EVC: variants seen among roughly 807,000 people sequenced by gnomAD.
EVC encodes the protein evC complex member EVC.
Under a neutral mutation model 118.9 loss-of-function variants are expected in EVC, and 116 were observed. The ratio of observed to expected loss-of-function variants is 0.98; its 90% CI spans 0.84 to 1.14. The LOEUF (loss-of-function observed/expected upper bound fraction) is 1.14. Among genes scored for constraint, EVC ranks in the 50% most tolerant of loss-of-function variants. EVC has a pLI of 0.00. For synonymous variants in EVC, 619 were observed against 534.7 expected (o/e 1.16, Z -2.18); for missense variants, 1,401 against 1,246.4 (o/e 1.12, Z -1.87).
Position 5,738,953 on chromosome 4 carries a change from CT to C in EVC, c.703-2757del, listed in dbSNP as rs985085300. ...GTTATTTTTAAAATTAAGGTATGTA[CT>C]TTTTTAGACATACTGCTATTGTACA... On this transcript the variant is annotated intron_variant, in intron 5 of 20. Coordinates refer to ENST00000264956, the MANE Select transcript of EVC (RefSeq NM_153717.3). The surrounding 1 kb of genome is among the most constrained non-coding windows in gnomAD (Gnocchi z 6.5). 5.9e-5 allele frequency among the ~76,000 whole-genome samples: 9 copies of C among 152,076 alleles called. No individual in the cohort carries two copies. The highest frequency in any genetic ancestry group is 1.2e-4 in the Non-Finnish European group (8 of 68,026).
chr4:5,789,634 G>C lies in EVC; in HGVS notation c.1777-3974G>C, dbSNP rs768408001. Among the ~76,000 whole-genome samples, 3 of 152,142 alleles carry C rather than the reference G, an allele frequency of 2.0e-5. No homozygotes were observed. The highest frequency in any genetic ancestry group is 2.9e-5 in the Non-Finnish European group (2 of 68,026). Reference sequence around the variant, plus strand: ...TTGAAACAAAGAGTAAAACTTACTTGAGGCCACAAAATGACCTGGTAGCAA... The same window carrying C: ...TTGAAACAAAGAGTAAAACTTACTTCAGGCCACAAAATGACCTGGTAGCAA... On this transcript the variant is annotated intron_variant, in intron 12 of 20. Coordinates refer to ENST00000264956, the MANE Select transcript of EVC (RefSeq NM_153717.3). The surrounding 1 kb of genome is among the most constrained non-coding windows in gnomAD (Gnocchi z 4.3).
In EVC at chr4:5,810,990, G is replaced by T. The variant is rs150173231; in HGVS notation, c.2932G>T (p.Asp978Tyr). The change falls in exon 21 of 21, where the codon GAC (aspartate) becomes TAC (tyrosine). Residue 978 changes from aspartate to tyrosine, a missense_variant. By Grantham distance (160) the Asp-to-Tyr change is radical. Coordinates refer to ENST00000264956, the MANE Select transcript of EVC (RefSeq NM_153717.3). The stretch of plus-strand genomic sequence containing the variant: ...GAGTCAGCAAGAAAGTGAAGCTGGG[G>T]ACAGTGGGAACTCAAAGAAGATGCT... ...RLSQQESEAG[D>Y]SGNSKKMLKR... The T allele has an allele frequency of 1.9e-5, 31 of 1,613,186 alleles. No individual in the cohort carries two copies. In the African/African-American group the frequency reaches 3.3e-4, roughly 17 times the overall value.
At chr4:5,828,618 T>G in the EVC span, 3 of 1,614,080 alleles carry the variant, frequency 1.9e-6, no homozygotes, top group African/African-American at 4.0e-5. Context: ...TGATGACCAC[T>G]AGTGGGGAGC....
chr4:5,767,632 C>G (rs1370163559), intron 11 of EVC, among the ~76,000 whole-genome samples: 1 of 152,008 alleles, frequency 6.6e-6, no homozygotes, highest in East Asian at 1.9e-4. Context: ...GTCGGAAAAG[C>G]ACAGTATGCG....
intron 11 of EVC, among the ~76,000 whole-genome samples, chr4:5,771,750 C>T (rs1474424246): frequency 6.6e-6 from 1 of 152,200 alleles, no homozygotes; most frequent in Non-Finnish European, 1.5e-5. Context: ...CTGCAGAGTG[C>T]AAGGCAGTTT....
Position 5,793,726 on chromosome 4 carries a change from A to G in EVC, c.1886+9A>G. 6.5e-7 allele frequency: 1 copy of G among 1,542,642 alleles called. No individual in the cohort carries two copies. Among genetic ancestry groups the G allele is most frequent in the South Asian group, 1.2e-5 (1 of 83,780 alleles). ...GGCGGCCTCACTGAAGAGTGAGTAC[A>G]GCTCCCTGAAGGCCCAGGGCTTTGT... On this transcript the variant is annotated intron_variant, in intron 13 of 20. Transcript: ENST00000264956.
In EVC at chr4:5,719,938, A is replaced by C. The variant is rs1176135995; in HGVS notation, c.300+565A>C. Among the ~76,000 whole-genome samples, 2 of 152,178 alleles carry C rather than the reference A, an allele frequency of 1.3e-5. No individual in the cohort carries two copies. The highest frequency in any genetic ancestry group is 1.3e-4 in the Admixed American group (2 of 15,282). On this transcript the variant is annotated intron_variant, in intron 2 of 20. Transcript: ENST00000264956. The surrounding 1 kb of genome is among the most constrained non-coding windows in gnomAD (Gnocchi z 4.7). ...TTTGACTGTAATGAATAAGCCTACT[A>C]TGAATGTTGGTGCATAAGTCTGTTT... is the stretch of plus-strand genomic sequence containing the variant.
intron 1 of EVC, among the ~76,000 whole-genome samples, chr4:5,716,940 C>G (rs1724056562): frequency 6.6e-6 from 1 of 152,118 alleles, no homozygotes; most frequent in Admixed American, 6.5e-5. Flanking sequence ...TACCTTTGCT[C>G]CTAGTAAATG....
In EVC at chr4:5,742,054, C is replaced by T. The variant is rs1480169; in HGVS notation, c.801+240C>T. Among the ~76,000 whole-genome samples, 30,577 of 152,002 alleles carry T rather than the reference C, an allele frequency of 0.2. 3,283 individuals are homozygous for T. The highest frequency in any genetic ancestry group is 0.33 in the Middle Eastern group (97 of 294). ...ATTGGTCATATCTACTACTCAAAGA[C>T]GGTCACTGTTAATGTTTTTTTCTGC... On this transcript the variant is annotated intron_variant, in intron 6 of 20. Coordinates refer to ENST00000264956, the MANE Select transcript of EVC (RefSeq NM_153717.3). This position sits in a 1 kb window ranked among gnomAD's most constrained non-coding sequence, Gnocchi z 5.2.
intron 11 of EVC, among the ~76,000 whole-genome samples, chr4:5,775,571 A>G (rs540793152): frequency 6.6e-6 from 1 of 152,114 alleles, no homozygotes; most frequent in Non-Finnish European, 1.5e-5. Flanking sequence ...CTTTCACTCA[A>G]CTTGATATTT....
chr4:5,720,902 A>T lies in EVC; in HGVS notation c.300+1529A>T, dbSNP rs111887202. On this transcript the variant is annotated intron_variant, in intron 2 of 20. Coordinates refer to ENST00000264956, the MANE Select transcript of EVC (RefSeq NM_153717.3). ...TATGAGTTAACTTTACAGCAGGGTA[A>T]AAAGACTTAGGTCTCCCTCCAAACA... Among the ~76,000 whole-genome samples the T allele has an allele frequency of 1.6e-3, 238 of 152,020 alleles. 2 individuals are homozygous for T. Among genetic ancestry groups the T allele is most frequent in the Non-Finnish European group, 2.5e-3 (172 of 68,028 alleles).
At chr4:5,715,936 G>T (rs1417004449) in intron 1 of EVC, among the ~76,000 whole-genome samples, 1 of 152,054 alleles carries the variant, frequency 6.6e-6, no homozygotes, top group African/African-American at 2.4e-5. Flanking sequence ...TAGAGATGGG[G>T]TTTCACCATG....
chr4:5,773,340 C>T (rs996408383), intron 11 of EVC, among the ~76,000 whole-genome samples: 1 of 152,090 alleles, frequency 6.6e-6, no homozygotes, highest in Non-Finnish European at 1.5e-5. Context: ...CTAGGCTGGG[C>T]TTGATTAACT....
intron 17 of EVC, among the ~76,000 whole-genome samples, chr4:5,805,190 G>T (rs894282382): frequency 6.6e-6 from 1 of 152,188 alleles, no homozygotes; most frequent in Non-Finnish European, 1.5e-5. Context: ...TTGGGGGCAG[G>T]TTGTTTACCT....
downstream of EVC, among the ~76,000 whole-genome samples, chr4:5,817,072 G>A (rs1322083647): frequency 1.3e-5 from 2 of 152,232 alleles, no homozygotes; most frequent in Non-Finnish European, 2.9e-5. Flanking sequence ...AAGGTCACAG[G>A]GCCGCCTGGC....
chr4:5,777,482 A>G (rs1734873193), intron 11 of EVC, among the ~76,000 whole-genome samples: 2 of 152,098 alleles, frequency 1.3e-5, no homozygotes, highest in Admixed American at 6.6e-5. Context: ...TCCCCTCTGA[A>G]TCAACCAACA....
At chr4:5,824,340 A>G in the EVC span, 2 of 985,312 alleles carry the variant, frequency 2.0e-6, no homozygotes, top group Non-Finnish European at 2.4e-6. Flanking sequence ...AAACACTGGA[A>G]GCTCTTCCAT....
At chr4:5,797,370 G>A (rs1050190891) in intron 14 of EVC, 138 bp downstream of exon 14, 10 of 745,994 alleles carry the variant, frequency 1.3e-5, no homozygotes, top group Non-Finnish European at 2.3e-5. Flanking sequence ...CGCCGGGGCT[G>A]CCATAGCAAG....
chr4:5,810,997 G>A lies in EVC; in HGVS notation c.2939G>A (p.Gly980Glu). Residue 980 changes from glycine (G) to glutamate (E), a missense_variant, in exon 21 of 21, where the codon GGG (glycine) becomes GAG (glutamate). By Grantham distance (98) the Gly-to-Glu change is moderately conservative. Coordinates refer to ENST00000264956, the MANE Select transcript of EVC (RefSeq NM_153717.3). The stretch of plus-strand genomic sequence containing the variant: ...CAAGAAAGTGAAGCTGGGGACAGTG[G>A]GAACTCAAAGAAGATGCTAAAGAGA... ...SQQESEAGDS[G>E]NSKKMLKRRS... 1 of 1,613,140 alleles carries A rather than the reference G, an allele frequency of 6.2e-7. No individual in the cohort carries two copies. Among genetic ancestry groups the A allele is most frequent in the Non-Finnish European group, 8.5e-7 (1 of 1,179,500 alleles).
Sources: allele counts gnomAD v4.1 joint callset (sites outside exome capture counted in the v4.1 genomes callset), GRCh38; gene constraint gnomAD v4.1.1; non-coding constraint Gnocchi (gnomAD v3.1); transcripts MANE v1.5; gene names NCBI Gene and HGNC (gene_info 2026-07-23, HGNC 2026-07-21).